The following PLAC1 variants were observed in gnomAD, a reference collection of about 807,000 sequenced individuals.
The protein encoded by PLAC1 is placenta associated 1.
For missense variants in PLAC1, 136 were observed against 163.2 expected (o/e 0.83, Z 0.91); for synonymous variants, 68 against 62.1 (o/e 1.09, Z -0.44).
intron 2 of PLAC1, among the ~76,000 whole-genome samples, chrX:134,688,077 G>A (rs754038366): frequency 1.4e-4 from 15 of 107,043 alleles, no homozygotes; most frequent in Admixed American, 1.0e-4. Flanking sequence ...CCTGATGACC[G>A]GCTCAGACTC....
chrX:134,696,970 T>C (rs1186118929), intron 2 of PLAC1, among the ~76,000 whole-genome samples: 2 of 107,465 alleles, frequency 1.9e-5, no homozygotes, highest in Non-Finnish European at 3.9e-5. Flanking sequence ...GAGGCGGAGC[T>C]TGCAGGGAGC....
At chrX:134,649,689 T>G (rs765494500) in intron 1 of PLAC1, among the ~76,000 whole-genome samples, 3 of 112,077 alleles carry the variant, frequency 2.7e-5, no homozygotes, top group Non-Finnish European at 3.8e-5. Flanking sequence ...CACTTTATAC[T>G]CCGTGGGAGA....
At chrX:134,575,638 A>T (rs1438491344) in intron 2 of PLAC1, among the ~76,000 whole-genome samples, 1 of 108,882 alleles carries the variant, frequency 9.2e-6, no homozygotes, top group Non-Finnish European at 1.9e-5. Flanking sequence ...GCGTGGTGGC[A>T]CGTGCCTGTA....
intron 2 of PLAC1, among the ~76,000 whole-genome samples, chrX:134,687,832 A>C: frequency 2.5e-5 from 1 of 39,709 alleles, no homozygotes; most frequent in Admixed American, 2.5e-4. Context: ...ATATATATAT[A>C]TATATATATA....
chrX:134,693,678 T>TGA (rs756777420), intron 2 of PLAC1, among the ~76,000 whole-genome samples: 137 of 106,453 alleles, frequency 1.3e-3, no homozygotes, highest in East Asian at 0.011. Flanking sequence ...CAGAAGAAAT[T>TGA]GAGAGAGAGA....
At chrX:134,578,997 T>C (rs1336864222) in intron 2 of PLAC1, among the ~76,000 whole-genome samples, 1 of 111,471 alleles carries the variant, frequency 9.0e-6, no homozygotes, top group Non-Finnish European at 1.9e-5. Context: ...ACTTTAAAAA[T>C]ATATATTTAT....
rs752336953 is a variant in PLAC1, at chrX:134,726,709, G to C, written n.174+6726C>G. On this transcript the variant is annotated intron_variant and non_coding_transcript_variant, in intron 2 of 2. Coordinates refer to the PLAC1 transcript ENST00000466797. ...GTGGTGGCATGCGCCTGTAGTCCCA[G>C]CTACTCAGGAGGCTGAGGCAGGGGA... Among the ~76,000 whole-genome samples, 2 of 105,720 alleles carry C rather than the reference G, an allele frequency of 1.9e-5. 1 individual carries two copies. The highest frequency in any genetic ancestry group is 8.8e-4 in the South Asian group (2 of 2,260). 91.8% of individuals were successfully genotyped at this position (105,720 alleles called of 115,157 possible). A position where few individuals can be genotyped will look rare whatever the true frequency, so the allele number is the denominator to read the frequency against.
intron 2 of PLAC1, among the ~76,000 whole-genome samples, chrX:134,717,739 A>C (rs2147836866): frequency 8.9e-6 from 1 of 112,365 alleles, no homozygotes; most frequent in Admixed American, 9.4e-5. Context: ...CCCCAGTCTG[A>C]GTCTGTTGTC....
intron 1 of PLAC1, among the ~76,000 whole-genome samples, chrX:134,645,208 CCT>C (rs202069617): frequency 0.041 from 4,552 of 111,987 alleles, 263 homozygotes; most frequent in African/African-American, 0.14. Flanking sequence ...TGTCTCTCCC[CCT>C]GAGTGTCTCC....
chrX:134,596,606 CT>C (rs1311276472), intron 2 of PLAC1, among the ~76,000 whole-genome samples: 2 of 111,172 alleles, frequency 1.8e-5, no homozygotes, highest in Non-Finnish European at 3.8e-5. Flanking sequence ...TTTTTCTTTT[CT>C]TTTTTGAGAC....
At chrX:134,679,289 G>A (rs1293375996) in intron 2 of PLAC1, among the ~76,000 whole-genome samples, 1 of 111,327 alleles carries the variant, frequency 9.0e-6, no homozygotes, top group African/African-American at 3.3e-5. Context: ...ACATGTGCAA[G>A]AGGGATGTCG....
chrX:134,741,952 G>C (rs2078718030), intron 1 of PLAC1, among the ~76,000 whole-genome samples: 4 of 111,339 alleles, frequency 3.6e-5, no homozygotes, highest in African/African-American at 1.3e-4. Flanking sequence ...GTGGAGAGCA[G>C]GCCTAAATTC....
intron 2 of PLAC1, among the ~76,000 whole-genome samples, chrX:134,591,540 C>A (rs1389903501): frequency 1.8e-5 from 2 of 112,487 alleles, no homozygotes; most frequent in Non-Finnish European, 3.8e-5. Context: ...TTTAACTACT[C>A]ACTTATTGAA....
intron 1 of PLAC1, among the ~76,000 whole-genome samples, chrX:134,611,809 G>A (rs1413752890): frequency 1.8e-5 from 2 of 110,816 alleles, no homozygotes; most frequent in Non-Finnish European, 3.8e-5. Context: ...TTAGTGCAAC[G>A]AGCTGGTTGT....
Position 134,655,634 on chromosome X carries a change from T to C in PLAC1, c.-131+2694A>G, listed in dbSNP as rs142272253. On this transcript the variant is annotated intron_variant, in intron 1 of 2. Coordinates refer to ENST00000359237, the MANE Select transcript of PLAC1 (RefSeq NM_021796.4). Reference sequence around the variant, plus strand: ...TATGTCCCTTTAGTGTCGTTTAATCTAGAACAGTGCATGCTCCTAATTTTT... The same window carrying C: ...TATGTCCCTTTAGTGTCGTTTAATCCAGAACAGTGCATGCTCCTAATTTTT... Among the ~76,000 whole-genome samples the C allele has an allele frequency of 5.9e-3, 662 of 112,295 alleles. 3 individuals are homozygous for C. The highest frequency in any genetic ancestry group is 0.02 in the African/African-American group (622 of 30,967).
At chrX:134,727,065 T>G (rs2078676849) in intron 2 of PLAC1, among the ~76,000 whole-genome samples, 1 of 110,764 alleles carries the variant, frequency 9.0e-6, no homozygotes, top group Admixed American at 9.6e-5. Context: ...TACCTCCCAA[T>G]TTCCTAAGGC....
At chrX:134,688,843 C>T (rs1415107387) in intron 2 of PLAC1, among the ~76,000 whole-genome samples, 2 of 112,039 alleles carry the variant, frequency 1.8e-5, no homozygotes, top group Admixed American at 9.5e-5. Flanking sequence ...GGGCCAATCT[C>T]ATATTTCAAG....
At chrX:134,708,215 T>C (rs2078613694) in intron 2 of PLAC1, among the ~76,000 whole-genome samples, 1 of 111,221 alleles carries the variant, frequency 9.0e-6, no homozygotes, top group Admixed American at 9.6e-5. Flanking sequence ...CCAGCAAAAA[T>C]ATTCTTCAAA....
chrX:134,600,699 G>A (rs1302920024), intron 2 of PLAC1, among the ~76,000 whole-genome samples: 1 of 109,526 alleles, frequency 9.1e-6, no homozygotes, highest in Non-Finnish European at 1.9e-5. Context: ...TGGAGAAATG[G>A]TTCTACATCT....
Sources: gnomAD v4.1 joint callset for allele counts (sites outside exome capture counted in the v4.1 genomes callset) on GRCh38, gnomAD v4.1.1 for gene constraint, MANE v1.5 for transcripts, NCBI Gene and HGNC (gene_info 2026-07-23, HGNC 2026-07-21) for gene names.